CASK: variants seen among roughly 807,000 people sequenced by gnomAD.
CASK encodes peripheral plasma membrane protein CASK.
In CASK, 4 loss-of-function variants were observed where a neutral mutation model predicts 82.9. The ratio of observed to expected loss-of-function variants is 0.05; its 90% CI spans 0.02 to 0.11. The LOEUF is 0.11. Among genes scored for constraint, CASK ranks in the 10% least tolerant of loss-of-function variants. The pLI is 1.00. For synonymous variants in CASK, 259 were observed against 253.5 expected (o/e 1.02, Z -0.20); for missense variants, 358 against 720.9 (o/e 0.50, Z 5.76).
intron 8 of CASK, among the ~76,000 whole-genome samples, chrX:41,648,313 C>G (rs1021759106): frequency 1.8e-5 from 2 of 111,294 alleles, no homozygotes; most frequent in East Asian, 2.8e-4. Context: ...ATCTCAAAAC[C>G]CTGTCTCCTG....
chrX:41,771,235 T>C (rs1203532737), intron 3 of CASK, among the ~76,000 whole-genome samples: 2 of 112,232 alleles, frequency 1.8e-5, no homozygotes, highest in Non-Finnish European at 3.8e-5. Context: ...TGATATCTAA[T>C]GGAAAGAAAA....
Position 41,623,491 on chromosome X carries a change from C to T in CASK, c.1016-857G>A, listed in dbSNP as rs188677557. Among the ~76,000 whole-genome samples, 453 of 111,590 alleles carry T rather than the reference C, an allele frequency of 4.1e-3. 1 individual carries two copies. Among genetic ancestry groups the T allele is most frequent in the African/African-American group, 0.014 (437 of 30,709 alleles). On this transcript the variant is annotated intron_variant, in intron 10 of 26. Transcript: ENST00000378163. ...AGGCTGGAGTGCAGTGGCACGATCT[C>T]GGCTCATTGCAACCTCCGTGTCCTG...
At chrX:41,612,689 T>C (rs2066102868) in intron 11 of CASK, among the ~76,000 whole-genome samples, 1 of 74,724 alleles carries the variant, frequency 1.3e-5, no homozygotes, top group Non-Finnish European at 2.5e-5. Context: ...AGCCGCCCCG[T>C]CCGGGAGGGA....
chrX:41,817,404 C>A (rs1445555448), intron 2 of CASK, among the ~76,000 whole-genome samples: 1 of 111,580 alleles, frequency 9.0e-6, no homozygotes, highest in African/African-American at 3.3e-5. Flanking sequence ...CAAGAGGAAT[C>A]CAGATTGGAA....
At chrX:41,540,874 CTGAAT>C (rs1367406173) in intron 22 of CASK, among the ~76,000 whole-genome samples, 1 of 112,467 alleles carries the variant, frequency 8.9e-6, no homozygotes, top group African/African-American at 3.2e-5. Flanking sequence ...TTCCTCAGAG[CTGAAT>C]TAAAGAATAC....
rs767668873 is a variant in CASK at position 41,572,676 on chromosome X, ATTG to A, written c.1504-2933_1504-2931del. Among the ~76,000 whole-genome samples the A allele has an allele frequency of 6.2e-5, 7 of 112,397 alleles. 1 individual carries two copies. Among genetic ancestry groups the A allele is most frequent in the Non-Finnish European group, 1.3e-4 (7 of 53,310 alleles). On this transcript the variant is annotated intron_variant, in intron 15 of 26. Coordinates refer to ENST00000378163, the MANE Select transcript of CASK (RefSeq NM_001367721.1). ...CCATATACTATAAACTCTAAAACACATTGTTATTTTTGTTTAAATTGCCAATTA... is the reference window on the plus strand; with the variant it reads ...CCATATACTATAAACTCTAAAACACATTATTTTTGTTTAAATTGCCAATTA...
chrX:41,537,821 A>T (rs1267061264), intron 22 of CASK, among the ~76,000 whole-genome samples: 3 of 84,078 alleles, frequency 3.6e-5, no homozygotes, highest in Middle Eastern at 5.5e-3. Context: ...TATTACTTTT[A>T]TTATTATTAT....
intron 18 of CASK, chrX:41,559,548 C>G (rs2065198937): frequency 2.5e-6 from 1 of 406,072 alleles, no homozygotes; most frequent in Non-Finnish European, 4.3e-6. Context: ...CTACATTTTG[C>G]TCAGATTTCA....
intron 5 of CASK, among the ~76,000 whole-genome samples, chrX:41,709,759 G>A (rs1286308324): frequency 1.8e-5 from 2 of 111,269 alleles, no homozygotes; most frequent in Non-Finnish European, 3.8e-5. Context: ...TCATGCTTGG[G>A]GCGCTTAAGA....
intron 1 of CASK, among the ~76,000 whole-genome samples, chrX:41,860,819 TTAAAA>T (rs2071462995): frequency 8.9e-6 from 1 of 112,613 alleles, no homozygotes; most frequent in South Asian, 3.7e-4. Flanking sequence ...TGGAAAATTA[TTAAAA>T]TAAAAGTCTC....
chrX:41,778,044 G>A (rs2069398341), intron 3 of CASK, among the ~76,000 whole-genome samples: 1 of 111,406 alleles, frequency 9.0e-6, no homozygotes, highest in Non-Finnish European at 1.9e-5. Context: ...TTAAAATATT[G>A]TATCCAAAAA....
intron 15 of CASK, among the ~76,000 whole-genome samples, chrX:41,576,068 G>A (rs768366079): frequency 1.8e-5 from 2 of 108,885 alleles, no homozygotes; most frequent in Admixed American, 2.0e-4. Flanking sequence ...TCCGCCTCCC[G>A]GGTTCAAGCG....
intron 2 of CASK, among the ~76,000 whole-genome samples, chrX:41,817,701 A>G (rs1456794286): frequency 9.0e-6 from 1 of 111,292 alleles, no homozygotes; most frequent in Admixed American, 9.6e-5. Flanking sequence ...TGTAGAATAC[A>G]AGACTGATAT....
intron 1 of CASK, among the ~76,000 whole-genome samples, chrX:41,907,771 G>T (rs757471200): frequency 9.0e-6 from 1 of 111,141 alleles, no homozygotes; most frequent in East Asian, 2.8e-4. Flanking sequence ...AACCTTTTTG[G>T]CATCAGGGAC....
intron 21 of CASK, among the ~76,000 whole-genome samples, chrX:41,543,761 T>C (rs2064978917): frequency 9.0e-6 from 1 of 111,678 alleles, no homozygotes; most frequent in Non-Finnish European, 1.9e-5. Context: ...CAGAATGCCA[T>C]ATGGTGCTAT....
intron 2 of CASK, among the ~76,000 whole-genome samples, chrX:41,822,657 G>T (rs766464664): frequency 1.8e-5 from 2 of 109,772 alleles, no homozygotes; most frequent in South Asian, 7.8e-4. Context: ...TAAATAAATG[G>T]CAGGATCATT....
Position 41,853,140 on chromosome X carries a change from T to G in CASK, c.147A>C (p.Thr49=). ...AVKIVDVAKF[T]SSPGLSTEDL... is the part of the protein sequence containing the mutation. ...CTTCTGTACTTAACCCTGGACTTGA[T>G]GTGAACTTGGCTACATCAACAATTT... The change falls in exon 2 of 27, where the codon ACA becomes ACC. Residue 49 remains threonine (T), a synonymous_variant. Transcript: ENST00000378163. 1 of 1,197,579 alleles carries G rather than the reference T, an allele frequency of 8.4e-7. No individual in the cohort carries two copies. The highest frequency in any genetic ancestry group is 1.1e-6 in the Non-Finnish European group (1 of 882,672).
intron 11 of CASK, among the ~76,000 whole-genome samples, chrX:41,611,021 C>T (rs2066036498): frequency 9.0e-6 from 1 of 111,422 alleles, no homozygotes; most frequent in East Asian, 2.8e-4. Flanking sequence ...TTTTGTTACC[C>T]AGGTGGACAT....
intron 2 of CASK, among the ~76,000 whole-genome samples, chrX:41,808,785 C>A (rs1265263086): frequency 8.9e-6 from 1 of 112,457 alleles, no homozygotes; most frequent in Admixed American, 9.3e-5. Flanking sequence ...TCGCCTCACC[C>A]GGGAAGTGCA....
Sources: allele counts gnomAD v4.1 joint callset (sites outside exome capture counted in the v4.1 genomes callset), GRCh38; gene constraint gnomAD v4.1.1; transcripts MANE v1.5; gene names NCBI Gene and HGNC (gene_info 2026-07-23, HGNC 2026-07-21).